The following DHX58 variants were observed in gnomAD, a reference collection of about 807,000 sequenced individuals.
The protein encoded by DHX58 is DExH-box helicase 58.
Under a neutral mutation model 65.0 loss-of-function variants are expected in DHX58, and 51 were observed. The ratio of observed to expected loss-of-function variants is 0.78; its 90% confidence interval spans 0.63 to 0.99. The LOEUF (loss-of-function observed/expected upper bound fraction) is 0.99. Ranked by LOEUF, DHX58 falls within the 50% of genes least tolerant of loss-of-function variation. DHX58 has a pLI of 0.00. For synonymous variants in DHX58, 350 were observed against 365.0 expected (o/e 0.96, Z 0.47); for missense variants, 773 against 891.8 (o/e 0.87, Z 1.70).
chr17:42,101,825 G>A lies in DHX58; in HGVS notation c.1973C>T (p.Ser658Phe). The A allele has an allele frequency of 1.9e-6, 3 of 1,614,262 alleles. No individual in the cohort carries two copies. Among genetic ancestry groups the A allele is most frequent in the Non-Finnish European group, 2.5e-6 (3 of 1,180,052 alleles). ...CTGCAGGAAGTCAAAGTCAGGCACG[G>A]AGAAGGGCACGCGGGACCACTTTTT... ...QAKKWSRVPF[S>F]VPDFDFLQHC... is the part of the protein sequence containing the mutation. Residue 658 changes from serine to phenylalanine, a missense_variant, in exon 14 of 14, where the codon TCC (serine) becomes TTC (phenylalanine). Physicochemically the swap from Ser to Phe is radical, Grantham distance 155. Transcript: ENST00000251642.
Position 42,108,104 on chromosome 17 carries a change from GGATC to G in DHX58, c.679_682del (p.Asp227ArgfsTer6). The G allele has an allele frequency of 6.2e-7, 1 of 1,614,210 alleles. No homozygotes were observed. The highest frequency in any genetic ancestry group is 8.5e-7 in the Non-Finnish European group (1 of 1,180,038). ...GAGCTTCTTCAGCAAGTCCCCAAAC[GGATC>G]CTGAGCAAGAGGAGAGTTGGAGGGG... On this transcript the variant is annotated frameshift_variant and splice_region_variant, in exon 7 of 14. Coordinates refer to ENST00000251642, the MANE Select transcript of DHX58 (RefSeq NM_024119.3). LOFTEE classifies it high-confidence loss of function.
At chr17:42,110,990 A>G in intron 4 of DHX58, 77 bp from the exon 5 acceptor site, 2 of 1,464,834 alleles carry the variant, frequency 1.4e-6, no homozygotes, top group South Asian at 2.7e-5. Context: ...TAGTCCCCAC[A>G]ATGATGTAAG....
In DHX58 at chr17:42,107,974, C is replaced by G. The variant is rs782527847; in HGVS notation, c.805+8G>C. ...CCTCGCCTCCGCCAGAAGGGCTGCC[C>G]CTCTCACCAGCCTCACTCAGCTTCA... On this transcript the variant is annotated splice_region_variant and intron_variant, in intron 7 of 13. Coordinates refer to ENST00000251642, the MANE Select transcript of DHX58 (RefSeq NM_024119.3). 1.9e-6 allele frequency: 3 copies of G among 1,614,128 alleles called. No homozygotes were observed. The highest frequency in any genetic ancestry group is 2.5e-6 in the Non-Finnish European group (3 of 1,180,032).
rs200674995 is a variant in DHX58 at position 42,110,864 on chromosome 17, G to A, written c.420C>T (p.Thr140=). 44 of 1,613,662 alleles carry A rather than the reference G, an allele frequency of 2.7e-5. No homozygotes were observed. Among genetic ancestry groups the A allele is most frequent in the Admixed American group, 6.7e-5 (4 of 59,960 alleles). Residue 140 remains threonine (T), a synonymous_variant, in exon 5 of 14, where the codon ACC becomes ACT. Transcript: ENST00000251642. ...VDECHHTHKD[T]VYNVIMSQYL... ...ACTGGCTCATGATGACGTTGTAGAC[G>A]GTGTCCTTGTGCGTGTGGTGGCACT...
intron 6 of DHX58, 148 bp downstream of exon 6, chr17:42,109,122 C>T (rs782414408): frequency 1.5e-4 from 99 of 644,530 alleles, no homozygotes; most frequent in Non-Finnish European, 2.3e-4. Flanking sequence ...TGTATCTGCC[C>T]CATTTCACAG....
At chr17:42,111,697 G>A in intron 3 of DHX58, 28 bp downstream of exon 3, 1 of 1,588,970 alleles carries the variant, frequency 6.3e-7, no homozygotes, top group Non-Finnish European at 8.6e-7. Context: ...TTGGTGGTGG[G>A]AGAGCGGGGT....
intron 5 of DHX58, among the ~76,000 whole-genome samples, chr17:42,110,102 G>A (rs1297804643): frequency 6.7e-5 from 10 of 149,196 alleles, no homozygotes; most frequent in African/African-American, 2.2e-4. Flanking sequence ...CAGGAGAATC[G>A]CTTGAACCTG....
chr17:42,104,470 C>T (rs782306097), intron 11 of DHX58, among the ~76,000 whole-genome samples: 4 of 152,154 alleles, frequency 2.6e-5, no homozygotes, highest in Non-Finnish European at 5.9e-5. Flanking sequence ...TTATCTTGTC[C>T]CCTCTGCCTG....
rs1293319151 is a variant in DHX58 at position 42,102,088 on chromosome 17, G to A, written c.1851+128C>T. ...CTGTGGGCTCCCTTAGGGAGGGGCTGGACCTCCCTCTTCAGACTGGAGGCC... is the reference window on the plus strand; with the variant it reads ...CTGTGGGCTCCCTTAGGGAGGGGCTAGACCTCCCTCTTCAGACTGGAGGCC... On this transcript the variant is annotated intron_variant, in intron 13 of 13. Coordinates refer to ENST00000251642, the MANE Select transcript of DHX58 (RefSeq NM_024119.3). 4 of 1,428,068 alleles carry A rather than the reference G, an allele frequency of 2.8e-6. No homozygotes were observed. The African/African-American group carries it at 5.7e-5, about 20-fold the overall frequency. The allele number at this position is 1,428,068 out of a possible 1,614,324, so 88.5% of individuals were successfully genotyped here. A position where few individuals can be genotyped will look rare whatever the true frequency, so the allele number is the denominator to read the frequency against.
chr17:42,103,541 C>T (rs953852255), intron 12 of DHX58, 67 bp downstream of exon 12: 4 of 1,578,748 alleles, frequency 2.5e-6, no homozygotes, highest in Non-Finnish European at 3.5e-6. Context: ...CCCAAAGCTT[C>T]AAAGCACTGT....
In DHX58 at chr17:42,103,263, T is replaced by C. The variant is rs1329893041; in HGVS notation, c.1754+345A>G. ...TGGGGGAAGGTTACTCTCTAGGAGA[T>C]AGTGGATGGAGGATGGCCCAGGGAT... On this transcript the variant is annotated intron_variant, in intron 12 of 13. Transcript: ENST00000251642. 13 of 312,810 alleles carry C rather than the reference T, an allele frequency of 4.2e-5. No homozygotes were observed. In the East Asian group the frequency reaches 5.2e-4, roughly 13 times the overall value. The allele number at this position is 312,810 out of a possible 1,614,324, so 19.4% of individuals were successfully genotyped here. A position where few individuals can be genotyped will look rare whatever the true frequency, so the allele number is the denominator to read the frequency against.
chr17:42,102,598 T>G (rs2053996429), intron 12 of DHX58: 1 of 346,628 alleles, frequency 2.9e-6, no homozygotes, highest in Admixed American at 4.4e-5. Flanking sequence ...CAAGCCATCC[T>G]TCCACCAACT....
intron 7 of DHX58, 89 bp downstream of exon 7, chr17:42,107,893 G>A: frequency 1.3e-6 from 2 of 1,581,660 alleles, no homozygotes; most frequent in South Asian, 2.3e-5. Flanking sequence ...GGGGTGGATA[G>A]GCCCCGCCCC....
intron 13 of DHX58, 41 bp from the exon 14 acceptor site, chr17:42,101,987 C>G: frequency 6.4e-7 from 1 of 1,563,852 alleles, no homozygotes; most frequent in Non-Finnish European, 8.7e-7. Context: ...GGTCTCTGGC[C>G]TCAGACTGGG....
intron 6 of DHX58, among the ~76,000 whole-genome samples, chr17:42,108,976 G>C (rs1368077440): frequency 6.6e-6 from 1 of 152,372 alleles, no homozygotes; most frequent in Non-Finnish European, 1.5e-5. Flanking sequence ...GTCCACACTA[G>C]AGAGGGCTCA....
At chr17:42,106,708 G>A (rs2054066694) in intron 8 of DHX58, among the ~76,000 whole-genome samples, 1 of 128,326 alleles carries the variant, frequency 7.8e-6, no homozygotes, top group African/African-American at 3.4e-5. Context: ...GCTGAGGCAG[G>A]AGAATCACTT....
chr17:42,103,889 A>G, intron 11 of DHX58, 91 bp from the exon 12 acceptor site: 1 of 1,392,894 alleles, frequency 7.2e-7, no homozygotes, highest in Non-Finnish European at 9.7e-7. Flanking sequence ...GATCATTTGT[A>G]CCTGGAAGAG....
chr17:42,111,504 G>T lies in DHX58; in HGVS notation c.169-7C>A, dbSNP rs577639012. The T allele has an allele frequency of 6.2e-7, 1 of 1,613,420 alleles. No individual in the cohort carries two copies. The highest frequency in any genetic ancestry group is 2.2e-5 in the East Asian group (1 of 44,880). ...GCTGGGTCACCAGGTGCACCTGGGG[G>T]TGGAGAATGAGCTGGGAAAAGAGAG... On this transcript the variant is annotated splice_polypyrimidine_tract_variant and splice_region_variant and intron_variant, in intron 3 of 13. Coordinates refer to ENST00000251642, the MANE Select transcript of DHX58 (RefSeq NM_024119.3).
At chr17:42,110,413 C>T (rs1305211237) in intron 5 of DHX58, among the ~76,000 whole-genome samples, 1 of 152,152 alleles carries the variant, frequency 6.6e-6, no homozygotes, top group Non-Finnish European at 1.5e-5. Flanking sequence ...CGAGATGGAA[C>T]AAGCCCTACA....
Sources: gnomAD v4.1 joint callset for allele counts (sites outside exome capture counted in the v4.1 genomes callset) on GRCh38, gnomAD v4.1.1 for gene constraint, MANE v1.5 for transcripts, NCBI Gene and HGNC (gene_info 2026-07-23, HGNC 2026-07-21) for gene names.